CCDC102B: variants seen among roughly 807,000 people sequenced by gnomAD.
The protein encoded by CCDC102B is coiled-coil domain-containing protein 102B.
In CCDC102B, 75 loss-of-function variants were observed where a neutral mutation model predicts 57.4. The observed-to-expected ratio is 1.31, with a 90% CI of 1.08 to 1.58. The LOEUF (loss-of-function observed/expected upper bound fraction) is 1.58, where lower values mean the gene tolerates loss of function less well. CCDC102B is among the 40% of genes most tolerant of loss of function. The probability of loss-of-function intolerance (pLI) is 0.00; values close to 1 mark genes in which losing one functional copy is unlikely to be tolerated. For synonymous variants in CCDC102B, 206 were observed against 201.9 expected (o/e 1.02, Z -0.17); for missense variants, 636 against 582.6 (o/e 1.09, Z -0.94).
rs1467033628 is a variant in CCDC102B, at chr18:68,968,205, GC to G, written c.1264-42727del. Reference sequence around the variant, plus strand: ...ATGATATAGCCTACTACACATGTAGGCCATATAGTATAGCCAACTGTTCCTG... The same window carrying G: ...ATGATATAGCCTACTACACATGTAGGCATATAGTATAGCCAACTGTTCCTG... On this transcript the variant is annotated intron_variant, in intron 6 of 7. Transcript: ENST00000360242. Among the ~76,000 whole-genome samples the G allele has an allele frequency of 2.6e-5, 4 of 152,078 alleles. No individual in the cohort carries two copies. In the East Asian group the frequency reaches 5.8e-4, roughly 22 times the overall value.
At chr18:68,950,266 G>C (rs564067628) in intron 6 of CCDC102B, among the ~76,000 whole-genome samples, 1 of 152,086 alleles carries the variant, frequency 6.6e-6, no homozygotes, top group Non-Finnish European at 1.5e-5. Flanking sequence ...TGAATTGGCT[G>C]AAACAGTTAT....
chr18:68,756,201 G>A (rs997978654), intron 2 of CCDC102B, among the ~76,000 whole-genome samples: 16 of 151,820 alleles, frequency 1.1e-4, no homozygotes, highest in African/African-American at 3.9e-4. Flanking sequence ...AATCAAAAAT[G>A]AAGATGAGTA....
At chr18:68,850,823 T>A (rs530755601) in intron 4 of CCDC102B, among the ~76,000 whole-genome samples, 1 of 152,114 alleles carries the variant, frequency 6.6e-6, no homozygotes, top group Admixed American at 6.6e-5. Context: ...TTGTTGAAAA[T>A]ATCATACACC....
intron 7 of CCDC102B, among the ~76,000 whole-genome samples, chr18:69,041,066 A>G (rs1270599627): frequency 6.6e-6 from 1 of 152,132 alleles, no homozygotes; most frequent in African/African-American, 2.4e-5. Flanking sequence ...CCAAAGGAAC[A>G]TGCAAATTCA....
At position 68,727,987 on chromosome 18, in the gene CCDC102B, C is replaced by A. The variant is rs56295753; in HGVS notation, c.-67+11393C>A. ...ATTGCTCTTTCTATAATTCTGAGTG[C>A]AAATCAAAGTAAATCATACTGTTGT... On this transcript the variant is annotated intron_variant, in intron 2 of 3. Transcript: ENST00000578970. Among the ~76,000 whole-genome samples, 844 of 152,242 alleles carry A rather than the reference C, an allele frequency of 5.5e-3. 11 individuals are homozygous for A. Among genetic ancestry groups the A allele is most frequent in the African/African-American group, 0.019 (800 of 41,540 alleles).
chr18:68,860,539 C>T (rs1008740668), intron 4 of CCDC102B, among the ~76,000 whole-genome samples: 19 of 124,066 alleles, frequency 1.5e-4, no homozygotes, highest in African/African-American at 5.3e-4. Flanking sequence ...CCTCCCTACA[C>T]CCCTGCCACA....
chr18:68,979,999 C>T (rs990840187), intron 6 of CCDC102B, among the ~76,000 whole-genome samples: 5 of 152,022 alleles, frequency 3.3e-5, no homozygotes, highest in East Asian at 1.9e-4. Context: ...TTGGAGTAGG[C>T]GCATGAACCT....
At chr18:68,777,085 A>G (rs2034846188) in intron 2 of CCDC102B, among the ~76,000 whole-genome samples, 1 of 152,164 alleles carries the variant, frequency 6.6e-6, no homozygotes, top group Non-Finnish European at 1.5e-5. Flanking sequence ...TGAACTCAAA[A>G]CCATTTAAAA....
chr18:68,760,535 C>A (rs971670810), intron 2 of CCDC102B, among the ~76,000 whole-genome samples: 1 of 152,074 alleles, frequency 6.6e-6, no homozygotes, highest in Admixed American at 6.6e-5. Context: ...TTTAGCCAGT[C>A]CTTCCAAAGC....
At chr18:68,828,192 T>A in intron 1 of CCDC102B, among the ~76,000 whole-genome samples, 1 of 151,704 alleles carries the variant, frequency 6.6e-6, no homozygotes, top group South Asian at 2.1e-4. Context: ...AGCAGAGGTA[T>A]AGAGAATCTG....
At chr18:68,995,214 G>A (rs1483501183) in intron 6 of CCDC102B, among the ~76,000 whole-genome samples, 2 of 152,192 alleles carry the variant, frequency 1.3e-5, no homozygotes, top group African/African-American at 2.4e-5. Context: ...GGGAAGCAGA[G>A]CGTAAAAATT....
At chr18:68,718,765 T>C (rs1599364980) in intron 2 of CCDC102B, among the ~76,000 whole-genome samples, 1 of 152,198 alleles carries the variant, frequency 6.6e-6, no homozygotes, top group East Asian at 1.9e-4. Context: ...TCTGACCCAG[T>C]GGGGCCCATC....
intron 5 of CCDC102B, among the ~76,000 whole-genome samples, chr18:68,895,619 C>T (rs1217891110): frequency 6.6e-6 from 1 of 151,726 alleles, no homozygotes; most frequent in Non-Finnish European, 1.5e-5. Context: ...ATGCCTCATA[C>T]TCTAATCATC....
chr18:69,023,639 T>C (rs937379456), intron 7 of CCDC102B, among the ~76,000 whole-genome samples: 2 of 151,986 alleles, frequency 1.3e-5, no homozygotes, highest in African/African-American at 4.8e-5. Context: ...TACAGGAGTT[T>C]GAGACATAAG....
At chr18:69,040,385 G>GGTGTGTGTGTGTGT (rs908583162) in intron 7 of CCDC102B, among the ~76,000 whole-genome samples, 4 of 57,314 alleles carry the variant, frequency 7.0e-5, no homozygotes, top group African/African-American at 2.5e-4. Context: ...TAGATGCAGG[G>GGTGTGTGTGTGTGT]GTGTGTGTGT....
rs1030244033 is a variant in CCDC102B at position 68,752,443 on chromosome 18, A to C, written c.-67+35849A>C. On this transcript the variant is annotated intron_variant, in intron 2 of 3. Transcript: ENST00000578970. ...GAAGGGAAAAGGGGAAAAAAATAAAAATAAATAAAGAAAAAAGAAAACAGT... is the reference window on the plus strand; with the variant it reads ...GAAGGGAAAAGGGGAAAAAAATAAACATAAATAAAGAAAAAAGAAAACAGT... Among the ~76,000 whole-genome samples the C allele has an allele frequency of 2.0e-5, 3 of 150,850 alleles. No individual in the cohort carries two copies. In the South Asian group the frequency reaches 6.3e-4, roughly 32 times the overall value.
At chr18:69,020,992 C>A (rs1289287990) in intron 7 of CCDC102B, among the ~76,000 whole-genome samples, 1 of 152,172 alleles carries the variant, frequency 6.6e-6, no homozygotes, top group Non-Finnish European at 1.5e-5. Context: ...TTTTGCTAAA[C>A]ACATTATTGG....
chr18:69,052,798 A>G (rs1054379620), intron 7 of CCDC102B, among the ~76,000 whole-genome samples: 2 of 151,904 alleles, frequency 1.3e-5, no homozygotes, highest in African/African-American at 4.8e-5. Flanking sequence ...ATATTTTTTA[A>G]AAATGCATCT....
intron 6 of CCDC102B, among the ~76,000 whole-genome samples, chr18:68,969,613 T>C (rs892066954): frequency 5.9e-5 from 9 of 152,208 alleles, no homozygotes; most frequent in Middle Eastern, 3.4e-3. Context: ...GTATTATAAT[T>C]ATCATAATAT....
Sources: allele counts gnomAD v4.1 joint callset (sites outside exome capture counted in the v4.1 genomes callset), GRCh38; gene constraint gnomAD v4.1.1; transcripts MANE v1.5; gene names NCBI Gene and HGNC (gene_info 2026-07-23, HGNC 2026-07-21).